Variants in SLC9A2 observed in about 807,000 individuals in gnomAD.
SLC9A2 encodes the protein solute carrier family 9 member A2.
A neutral mutation model predicts 71.7 loss-of-function variants in SLC9A2; 42 were observed. That is an observed-to-expected ratio of 0.59 (90% CI 0.46 to 0.76). The LOEUF (loss-of-function observed/expected upper bound fraction) is 0.76. Among genes scored for constraint, SLC9A2 ranks in the 30% least tolerant of loss-of-function variants. SLC9A2 has a pLI of 0.00. For synonymous variants in SLC9A2, 396 were observed against 392.5 expected, an observed-to-expected ratio of 1.01 and a Z score of -0.10; for missense variants, 829 against 1,017.4, an observed-to-expected ratio of 0.81 and a Z score of 2.52.
At chr2:102,676,814 T>C (rs1677353769) in intron 3 of SLC9A2, among the ~76,000 whole-genome samples, 1 of 152,250 alleles carries the variant, frequency 6.6e-6, no homozygotes, top group South Asian at 2.1e-4. Flanking sequence ...AAAAAGCTTT[T>C]TAATTGGTCT....
Position 102,665,096 on chromosome 2 carries a change from G to C in SLC9A2, c.754-4G>C. 6.3e-7 allele frequency: 1 copy of C among 1,593,952 alleles called. No homozygotes were observed. Among genetic ancestry groups the C allele is most frequent in the Non-Finnish European group, 8.5e-7 (1 of 1,172,134 alleles). On this transcript the variant is annotated splice_polypyrimidine_tract_variant and splice_region_variant and intron_variant, in intron 2 of 11. Transcript: ENST00000233969. ...TTGACAAGGTGTTTTTTTTTTTCCT[G>C]CAGGTCCTGTACAACTTGTTCAAGT...
intron 1 of SLC9A2, among the ~76,000 whole-genome samples, chr2:102,632,093 C>CAT (rs1199753317): frequency 2.0e-5 from 2 of 98,166 alleles, no homozygotes; most frequent in East Asian, 3.3e-4. Flanking sequence ...TATATATACA[C>CAT]ATATATATAC....
intron 5 of SLC9A2, among the ~76,000 whole-genome samples, chr2:102,690,961 T>C (rs1262159918): frequency 7.1e-5 from 7 of 98,492 alleles, no homozygotes; most frequent in Non-Finnish European, 1.2e-4. Context: ...CAAGAACTCA[T>C]TTTCTTCAAA....
chr2:102,678,036 A>T (rs552871828), intron 3 of SLC9A2, among the ~76,000 whole-genome samples: 185 of 152,272 alleles, frequency 1.2e-3, no homozygotes, highest in Non-Finnish European at 2.0e-3. Context: ...AGGTGAGCTT[A>T]TCCATGAAGG....
chr2:102,689,096 A>G (rs1677610475), intron 5 of SLC9A2, among the ~76,000 whole-genome samples: 1 of 152,224 alleles, frequency 6.6e-6, no homozygotes, highest in African/African-American at 2.4e-5. Context: ...CTCCTGAGTC[A>G]GAGACAAAGG....
At chr2:102,708,013 C>T (rs549665750) in intron 11 of SLC9A2, 106 bp from the exon 12 acceptor site, 2 of 1,250,824 alleles carry the variant, frequency 1.6e-6, no homozygotes, top group African/African-American at 1.5e-5. Context: ...CCCCTCTCCC[C>T]AGAGCCCCAG....
At position 102,619,908 on chromosome 2, in the gene SLC9A2, G is replaced by C; in HGVS notation, c.60G>C (p.Leu20=). The part of the protein sequence containing the change: ...LRAPLPPMLL[L]LLLQVAGPVG... The stretch of plus-strand genomic sequence containing the variant: ...CGCCACTGCCTCCGATGCTGTTGCT[G>C]CTGCTCCTGCAGGTGGCGGGGCCCG... Residue 20 remains leucine (L), a synonymous_variant, in exon 1 of 12, where the codon CTG becomes CTC. Transcript: ENST00000233969. The surrounding 1 kb of genome is among the most constrained non-coding windows in gnomAD (Gnocchi z 4.3). 6.3e-7 allele frequency: 1 copy of C among 1,597,088 alleles called. No homozygotes were observed. Among genetic ancestry groups the C allele is most frequent in the Middle Eastern group, 1.8e-4 (1 of 5,692 alleles).
chr2:102,632,100 A>G (rs1676376210), intron 1 of SLC9A2, among the ~76,000 whole-genome samples: 1 of 128,224 alleles, frequency 7.8e-6, no homozygotes, highest in African/African-American at 3.2e-5. Context: ...ACACATATAT[A>G]TACATATATA....
intron 5 of SLC9A2, among the ~76,000 whole-genome samples, chr2:102,685,113 A>G (rs1361834931): frequency 6.6e-6 from 1 of 152,244 alleles, no homozygotes; most frequent in African/African-American, 2.4e-5. Flanking sequence ...TCAAATGGTC[A>G]TGAAAGGGAA....
intron 7 of SLC9A2, among the ~76,000 whole-genome samples, chr2:102,700,854 T>C (rs1411981083): frequency 6.6e-6 from 1 of 151,990 alleles, no homozygotes; most frequent in East Asian, 1.9e-4. Flanking sequence ...TACATACACA[T>C]ACATATACAT....
rs1678065487 is a variant in SLC9A2 at position 102,709,700 on chromosome 2, G to A, written c.*1211G>A. The A allele has an allele frequency of 6.6e-6, 1 of 152,508 alleles. No homozygotes were observed. The allele number at this position is 152,508 out of a possible 1,614,324, so 9.4% of individuals were successfully genotyped here. A position where few individuals can be genotyped will look rare whatever the true frequency, so the allele number is the denominator to read the frequency against. ...ATAAAATTGAATTCTACTCATTAGA[G>A]TACTTTTTAAAAGTACAGCAGAAAG... On this transcript the variant is annotated 3_prime_UTR_variant, in exon 12 of 12. Transcript: ENST00000233969.
At chr2:102,662,224 G>C (rs769963286) in intron 2 of SLC9A2, among the ~76,000 whole-genome samples, 1 of 152,238 alleles carries the variant, frequency 6.6e-6, no homozygotes, top group Admixed American at 6.5e-5. Context: ...TTTAAGACTG[G>C]CTGTACCTTT....
At chr2:102,648,594 C>T (rs1029420478) in intron 1 of SLC9A2, among the ~76,000 whole-genome samples, 9 of 152,012 alleles carry the variant, frequency 5.9e-5, no homozygotes, top group African/African-American at 2.2e-4. Flanking sequence ...TTTTGAAATC[C>T]CCATCCCCTC....
chr2:102,623,592 A>G (rs1478519080), intron 1 of SLC9A2, among the ~76,000 whole-genome samples: 1 of 152,160 alleles, frequency 6.6e-6, no homozygotes, highest in African/African-American at 2.4e-5. Context: ...TGTTCTGAAA[A>G]AGCTGTTTTG....
At chr2:102,643,360 T>C (rs1676649322) in intron 1 of SLC9A2, among the ~76,000 whole-genome samples, 1 of 152,214 alleles carries the variant, frequency 6.6e-6, no homozygotes, top group Non-Finnish European at 1.5e-5. Flanking sequence ...CAGACTTTGC[T>C]GCAGTTGGGG....
intron 3 of SLC9A2, among the ~76,000 whole-genome samples, chr2:102,681,874 C>G (rs1677457949): frequency 6.6e-6 from 1 of 152,182 alleles, no homozygotes; most frequent in African/African-American, 2.4e-5. Flanking sequence ...ATGTTACTTG[C>G]AATGAGACGT....
intron 1 of SLC9A2, among the ~76,000 whole-genome samples, chr2:102,624,643 G>A (rs1476770126): frequency 6.6e-6 from 1 of 152,126 alleles, no homozygotes; most frequent in Non-Finnish European, 1.5e-5. Context: ...CCCATATCTT[G>A]AGGTCTTGTG....
intron 7 of SLC9A2, among the ~76,000 whole-genome samples, chr2:102,698,273 T>G (rs1158001794): frequency 6.6e-6 from 1 of 152,176 alleles, no homozygotes; most frequent in Non-Finnish European, 1.5e-5. Flanking sequence ...CTTCTTTAAT[T>G]ATTCAGAGCC....
chr2:102,678,574 C>T lies in SLC9A2; in HGVS notation c.1005-4687C>T, dbSNP rs548999576. Reference sequence around the variant, plus strand: ...AATGAGGACGTGAGGCTGTGGACTCCGGTCATGAAATCCTCATGTGTTCAT... The same window carrying T: ...AATGAGGACGTGAGGCTGTGGACTCTGGTCATGAAATCCTCATGTGTTCAT... On this transcript the variant is annotated intron_variant, in intron 3 of 11. Transcript: ENST00000233969. 7.2e-5 allele frequency among the ~76,000 whole-genome samples: 11 copies of T among 152,220 alleles called. No individual in the cohort carries two copies. In the South Asian group the frequency reaches 8.3e-4, roughly 11 times the overall value.
Sources: allele counts gnomAD v4.1 joint callset (sites outside exome capture counted in the v4.1 genomes callset), GRCh38; gene constraint gnomAD v4.1.1; non-coding constraint Gnocchi (gnomAD v3.1); transcripts MANE v1.5; gene names NCBI Gene and HGNC (gene_info 2026-07-23, HGNC 2026-07-21).